RPL36AL: variants seen among roughly 807,000 people sequenced by gnomAD.
RPL36AL encodes ribosomal protein L36a like.
A neutral mutation model predicts 7.9 loss-of-function variants in RPL36AL; 8 were observed. That is an observed-to-expected ratio of 1.02 (90% confidence interval 0.60 to 1.84). The LOEUF (loss-of-function observed/expected upper bound fraction) is 1.84, where lower values mean the gene tolerates loss of function less well. Ranked by LOEUF, RPL36AL falls within the 40% of genes most tolerant of loss-of-function variation. RPL36AL has a pLI of 0.00. For missense variants in RPL36AL, 76 were observed against 126.8 expected (o/e 0.60, Z 1.93); for synonymous variants, 44 against 44.8 (o/e 0.98, Z 0.07).
rs1882750930 is a variant in RPL36AL at position 49,619,050 on chromosome 14, G to A, written c.55C>T (p.Gln19Ter). 7 of 1,613,912 alleles carry A rather than the reference G, an allele frequency of 4.3e-6. No individual in the cohort carries two copies. Among genetic ancestry groups the A allele is most frequent in the Non-Finnish European group, 5.9e-6 (7 of 1,179,812 alleles). ...TTATACTGTGTCACTTTGTGAGGCT[G>A]ATGCTTGCCACACTTCTTACAGAAG... ...RTFCKKCGKH[Q>*]PHKVTQYKKG... The change falls in exon 2 of 2, where the codon CAG becomes TAG. Residue 19 changes from glutamine (Q) to a stop codon, truncating the protein, a stop_gained. Coordinates refer to ENST00000298289, the MANE Select transcript of RPL36AL (RefSeq NM_001001.5). LOFTEE classifies it high-confidence loss of function.
Position 49,618,599 on chromosome 14 carries a change from C to A in RPL36AL, c.*185G>T. ...CAAAAAGTAGTAAAGTAGTATTTTC[C>A]CTTCATACATATATAAACTTGTTAG... On this transcript the variant is annotated 3_prime_UTR_variant, in exon 2 of 2. Coordinates refer to ENST00000298289, the MANE Select transcript of RPL36AL (RefSeq NM_001001.5). 1.7e-6 allele frequency: 1 copy of A among 576,098 alleles called. No homozygotes were observed. The highest frequency in any genetic ancestry group is 2.2e-5 in the South Asian group (1 of 44,558). The allele number at this position is 576,098 out of a possible 1,614,324, so 35.7% of individuals were successfully genotyped here.
At chr14:49,620,409 A>C (rs1882799474) in intron 1 of RPL36AL, among the ~76,000 whole-genome samples, 153 bp downstream of exon 1, 1 of 152,150 alleles carries the variant, frequency 6.6e-6, no homozygotes, top group Non-Finnish European at 1.5e-5. Flanking sequence ...CATGCCTGAG[A>C]CCTTTTTCCT....
chr14:49,618,681 CAA>C lies in RPL36AL; in HGVS notation c.*101_*102del. 1 of 958,134 alleles carries C rather than the reference CAA, an allele frequency of 1.0e-6. No homozygotes were observed. Among genetic ancestry groups the C allele is most frequent in the South Asian group, 1.6e-5 (1 of 61,808 alleles). 59.4% of individuals were successfully genotyped at this position (958,134 alleles called of 1,614,324 possible). ...GAATTCTATTTATAAGTAAAAACCA[CAA>C]AAAGTTTGCGTAAGAATATCACTGT... On this transcript the variant is annotated 3_prime_UTR_variant, in exon 2 of 2. Coordinates refer to ENST00000298289, the MANE Select transcript of RPL36AL (RefSeq NM_001001.5).
Position 49,620,583 on chromosome 14 carries a change from T to G in RPL36AL, c.-58A>C, listed in dbSNP as rs778351688. ...TTACCGAGAAACAGCGCCCGACACC[T>G]GGCCCTTCGCAGCTCTCGCCTTTCG... is the stretch of plus-strand genomic sequence containing the variant. On this transcript the variant is annotated 5_prime_UTR_variant, in exon 1 of 2. Transcript: ENST00000298289. The G allele has an allele frequency of 1.0e-5, 2 of 197,310 alleles. No homozygotes were observed. Among genetic ancestry groups the G allele is most frequent in the Non-Finnish European group, 2.1e-5 (2 of 97,018 alleles). The allele number at this position is 197,310 out of a possible 1,614,324, so 12.2% of individuals were successfully genotyped here.
At chr14:49,620,458 G>T in intron 1 of RPL36AL, 104 bp downstream of exon 1, 1 of 153,080 alleles carries the variant, frequency 6.5e-6, no homozygotes. Context: ...GCCGGCGAGG[G>T]CCATAGGTCT....
intron 1 of RPL36AL, 38 bp downstream of exon 1, chr14:49,620,524 C>A (rs1006207355): frequency 6.2e-6 from 1 of 162,426 alleles, no homozygotes; most frequent in Non-Finnish European, 1.3e-5. Flanking sequence ...GCAAGGGAGG[C>A]TCCTATTGGA....
In RPL36AL at chr14:49,618,861, T is replaced by C. The variant is rs755958253; in HGVS notation, c.244A>G (p.Met82Val). The C allele has an allele frequency of 6.2e-7, 1 of 1,612,352 alleles. No homozygotes were observed. Among genetic ancestry groups the C allele is most frequent in the Non-Finnish European group, 8.5e-7 (1 of 1,179,866 alleles). Residue 82 changes from methionine (M) to valine (V), a missense_variant, in exon 2 of 2, where the codon ATG (methionine) becomes GTG (valine). Met to Val is a conservative substitution (Grantham distance 21). Coordinates refer to ENST00000298289, the MANE Select transcript of RPL36AL (RefSeq NM_001001.5). ...CVEPNCRSKR[M>V]LAIKRCKHFE... ...TGCTTGCATCTCTTAATGGCCAGCA[T>C]CCTCTTGGATCTGCAGTTAGGCTCA... is the stretch of plus-strand genomic sequence containing the variant.
chr14:49,620,586 C>G lies in RPL36AL; in HGVS notation c.-61G>C. 1 of 201,526 alleles carries G rather than the reference C, an allele frequency of 5.0e-6. No individual in the cohort carries two copies. Among genetic ancestry groups the G allele is most frequent in the Non-Finnish European group, 1.0e-5 (1 of 99,702 alleles). The allele number at this position is 201,526 out of a possible 1,614,324, so 12.5% of individuals were successfully genotyped here. A position where few individuals can be genotyped will look rare whatever the true frequency, so the allele number is the denominator to read the frequency against. On this transcript the variant is annotated 5_prime_UTR_variant, in exon 1 of 2. Transcript: ENST00000298289. ...CCGAGAAACAGCGCCCGACACCTGG[C>G]CCTTCGCAGCTCTCGCCTTTCGCAG...
chr14:49,619,114 A>T lies in RPL36AL; in HGVS notation c.-10T>A. 6.3e-7 allele frequency: 1 copy of T among 1,597,522 alleles called. No homozygotes were observed. The highest frequency in any genetic ancestry group is 8.5e-7 in the Non-Finnish European group (1 of 1,170,064). ...TAGGTACGTTGACCATCTTTGCAGC[A>T]GGGCTGTTTTGTCTATATGATGAAA... On this transcript the variant is annotated 5_prime_UTR_variant, in exon 2 of 2. Coordinates refer to ENST00000298289, the MANE Select transcript of RPL36AL (RefSeq NM_001001.5).
intron 1 of RPL36AL, among the ~76,000 whole-genome samples, chr14:49,619,827 G>C (rs529705498): frequency 3.7e-4 from 57 of 152,220 alleles, no homozygotes; most frequent in African/African-American, 1.4e-3. Context: ...CGATTGATTG[G>C]CTATACATCA....
intron 1 of RPL36AL, among the ~76,000 whole-genome samples, chr14:49,619,388 T>C (rs888347000): frequency 1.3e-5 from 2 of 152,160 alleles, no homozygotes; most frequent in African/African-American, 4.8e-5. Flanking sequence ...TGGCTCATGC[T>C]TGTAATCCCA....
Position 49,618,991 on chromosome 14 carries a change from C to G in RPL36AL, c.114G>C (p.Arg38Ser). The G allele has an allele frequency of 6.2e-7, 1 of 1,614,002 alleles. No individual in the cohort carries two copies. Among genetic ancestry groups the G allele is most frequent in the Non-Finnish European group, 8.5e-7 (1 of 1,179,876 alleles). ...KGKDSLYAQGRRRYDRKQSGY... is the reference protein window; with the variant it reads ...KGKDSLYAQGSRRYDRKQSGY... ...CACTCTGCTTCCGATCATAGCGCCT[C>G]CTTCCCTGGGCATACAAAGAATCCT... Residue 38 changes from arginine (R) to serine (S), a missense_variant, in exon 2 of 2, where the codon AGG becomes AGC. Physicochemically the swap from Arg to Ser is moderately radical, Grantham distance 110. Coordinates refer to ENST00000298289, the MANE Select transcript of RPL36AL (RefSeq NM_001001.5).
In RPL36AL at chr14:49,618,684, A is replaced by G; in HGVS notation, c.*100T>C. 1.0e-6 allele frequency: 1 copy of G among 978,160 alleles called. No homozygotes were observed. The highest frequency in any genetic ancestry group is 1.5e-6 in the Non-Finnish European group (1 of 654,356). The allele number at this position is 978,160 out of a possible 1,614,324, so 60.6% of individuals were successfully genotyped here. Reference sequence around the variant, plus strand: ...TTCTATTTATAAGTAAAAACCACAAAAAGTTTGCGTAAGAATATCACTGTA... The same window carrying G: ...TTCTATTTATAAGTAAAAACCACAAGAAGTTTGCGTAAGAATATCACTGTA... On this transcript the variant is annotated 3_prime_UTR_variant, in exon 2 of 2. Transcript: ENST00000298289.
rs747579546 is a variant in RPL36AL at position 49,618,752 on chromosome 14, C to T, written c.*32G>A. On this transcript the variant is annotated 3_prime_UTR_variant, in exon 2 of 2. Coordinates refer to ENST00000298289, the MANE Select transcript of RPL36AL (RefSeq NM_001001.5). ...AACTTTTCTATGGCTTCACCATTTT[C>T]TCTTCAAAATTGAAGAAAAATATCC... 6.5e-7 allele frequency: 1 copy of T among 1,546,210 alleles called. No homozygotes were observed.
At position 49,618,630 on chromosome 14, in the gene RPL36AL, T is replaced by C; in HGVS notation, c.*154A>G. 1.6e-6 allele frequency: 1 copy of C among 620,568 alleles called. No individual in the cohort carries two copies. The highest frequency in any genetic ancestry group is 2.0e-5 in the South Asian group (1 of 49,334). The allele number at this position is 620,568 out of a possible 1,614,324, so 38.4% of individuals were successfully genotyped here. A position where few individuals can be genotyped will look rare whatever the true frequency, so the allele number is the denominator to read the frequency against. On this transcript the variant is annotated 3_prime_UTR_variant, in exon 2 of 2. Coordinates refer to ENST00000298289, the MANE Select transcript of RPL36AL (RefSeq NM_001001.5). ...TACATATATAAACTTGTTAGTAAAG[T>C]TTGAGGTGGGACTACACTAAACATG...
In RPL36AL at chr14:49,619,015, C is replaced by T; in HGVS notation, c.90G>A (p.Lys30=). The T allele has an allele frequency of 1.9e-6, 3 of 1,613,972 alleles. No individual in the cohort carries two copies. The highest frequency in any genetic ancestry group is 2.5e-6 in the Non-Finnish European group (3 of 1,179,862). ...TCCTTCCCTGGGCATACAAAGAATC[C>T]TTGCCCTTCTTATACTGTGTCACTT... ...PHKVTQYKKG[K]DSLYAQGRRR... Residue 30 remains lysine, a synonymous_variant, in exon 2 of 2, where the codon AAG becomes AAA. Transcript: ENST00000298289.
chr14:49,618,611 T>C lies in RPL36AL; in HGVS notation c.*173A>G, dbSNP rs1292780985. 1.5e-5 allele frequency: 9 copies of C among 603,076 alleles called. No individual in the cohort carries two copies. The highest frequency in any genetic ancestry group is 1.1e-4 in the East Asian group (4 of 36,196). 37.4% of individuals were successfully genotyped at this position (603,076 alleles called of 1,614,324 possible). A position where few individuals can be genotyped will look rare whatever the true frequency, so the allele number is the denominator to read the frequency against. On this transcript the variant is annotated 3_prime_UTR_variant, in exon 2 of 2. Coordinates refer to ENST00000298289, the MANE Select transcript of RPL36AL (RefSeq NM_001001.5). The stretch of plus-strand genomic sequence containing the variant: ...AAGTAGTATTTTCCCTTCATACATA[T>C]ATAAACTTGTTAGTAAAGTTTGAGG...
At chr14:49,619,362 G>A (rs1000864356) in intron 1 of RPL36AL, among the ~76,000 whole-genome samples, 1 of 152,164 alleles carries the variant, frequency 6.6e-6, no homozygotes, top group African/African-American at 2.4e-5. Context: ...AAGAACTGAG[G>A]CAAGGCCGAG....
At chr14:49,619,833 C>T (rs1266716697) in intron 1 of RPL36AL, among the ~76,000 whole-genome samples, 1 of 152,116 alleles carries the variant, frequency 6.6e-6, no homozygotes, top group East Asian at 1.9e-4. Flanking sequence ...ATTGGCTATA[C>T]ATCATTCTTT....
Sources: gnomAD v4.1 joint callset for allele counts (sites outside exome capture counted in the v4.1 genomes callset) on GRCh38, gnomAD v4.1.1 for gene constraint, MANE v1.5 for transcripts, NCBI Gene and HGNC (gene_info 2026-07-23, HGNC 2026-07-21) for gene names.